The following SPOP variants were observed in gnomAD, a reference collection of about 807,000 sequenced individuals.
The protein encoded by SPOP is speckle-type POZ protein.
Under a neutral mutation model 45.6 loss-of-function variants are expected in SPOP, and 11 were observed. That is an observed-to-expected ratio of 0.24 (90% CI 0.15 to 0.40). The LOEUF is 0.40. Ranked by LOEUF, SPOP falls within the 10% of genes least tolerant of loss-of-function variation. The pLI, the probability that SPOP is intolerant of heterozygous loss-of-function variation, is 1.00. For synonymous variants in SPOP, 166 were observed against 166.3 expected, an observed-to-expected ratio of 1.00 and a Z score of 0.01; for missense variants, 152 against 465.6, an observed-to-expected ratio of 0.33 and a Z score of 6.20.
chr17:49,627,715 G>C (rs1215824402), intron 1 of SPOP, among the ~76,000 whole-genome samples: 4 of 152,082 alleles, frequency 2.6e-5, no homozygotes, highest in African/African-American at 7.2e-5. Flanking sequence ...CTCATCCTTG[G>C]TTCATTATTA....
intron 1 of SPOP, among the ~76,000 whole-genome samples, chr17:49,657,362 G>A (rs2072926887): frequency 6.6e-6 from 1 of 152,070 alleles, no homozygotes; most frequent in African/African-American, 2.4e-5. Flanking sequence ...CAATATGATT[G>A]ATGTATAAAG....
chr17:49,613,481 G>C (rs975193249), intron 5 of SPOP, among the ~76,000 whole-genome samples: 14 of 152,148 alleles, frequency 9.2e-5, no homozygotes, highest in Non-Finnish European at 1.8e-4. Context: ...TTGGCAAGAA[G>C]AGCTAAACTG....
intron 5 of SPOP, among the ~76,000 whole-genome samples, chr17:49,612,098 A>T (rs1160173255): frequency 1.3e-5 from 2 of 152,090 alleles, no homozygotes; most frequent in Non-Finnish European, 2.9e-5. Flanking sequence ...GCCCAGGATG[A>T]TGTTGAACTC....
intron 9 of SPOP, chr17:49,601,604 G>A (rs1306282101): frequency 2.2e-5 from 8 of 365,094 alleles, no homozygotes; most frequent in East Asian, 5.1e-5. Flanking sequence ...TATCATTTGG[G>A]GCATACAGCT....
rs2072285338 is a variant in SPOP, at chr17:49,624,341, A to ACG, written c.-66-1466_-66-1465insCG. Reference sequence around the variant, plus strand: ...CACACGCGCGCGCGCGCACACACACACACACACACACACACACACACACGG... The same window carrying ACG: ...CACACGCGCGCGCGCGCACACACACACGCACACACACACACACACACACACGG... On this transcript the variant is annotated intron_variant, in intron 1 of 9. Coordinates refer to ENST00000504102, the MANE Select transcript of SPOP (RefSeq NM_001007228.2). 6.9e-5 allele frequency among the ~76,000 whole-genome samples: 8 copies of ACG among 115,610 alleles called. No individual in the cohort carries two copies. In the Admixed American group the frequency reaches 7.5e-4, roughly 11 times the overall value. 75.8% of individuals were successfully genotyped at this position (115,610 alleles called of 152,430 possible).
At chr17:49,606,495 CTTTTTTTTTTT>C (rs71146920) in intron 8 of SPOP, among the ~76,000 whole-genome samples, 8 of 69,336 alleles carry the variant, frequency 1.2e-4, no homozygotes, top group East Asian at 3.9e-4. Context: ...TTTCTTTTTT[CTTTTTTTTTTT>C]TTTTTTTTTG....
Position 49,650,682 on chromosome 17 carries a change from A to G in SPOP, c.-67+27251T>C, listed in dbSNP as rs60639623. On this transcript the variant is annotated intron_variant, in intron 1 of 9. Coordinates refer to ENST00000504102, the MANE Select transcript of SPOP (RefSeq NM_001007228.2). ...TCTAAGTAATACCAGCAATTTTAAC[A>G]AATACCTTATACAGTGATAGTAAAA... Among the ~76,000 whole-genome samples, 1,403 of 152,350 alleles carry G rather than the reference A, an allele frequency of 9.2e-3. 21 individuals are homozygous for G. Among genetic ancestry groups the G allele is most frequent in the African/African-American group, 0.032 (1,325 of 41,574 alleles).
intron 1 of SPOP, among the ~76,000 whole-genome samples, chr17:49,677,046 A>G (rs540688457): frequency 3.5e-4 from 54 of 152,374 alleles, no homozygotes; most frequent in Admixed American, 1.4e-3. Flanking sequence ...AAAGGCAAAT[A>G]GGTCACACAA....
chr17:49,666,841 C>G (rs1405082990), intron 1 of SPOP, among the ~76,000 whole-genome samples: 1 of 151,890 alleles, frequency 6.6e-6, no homozygotes, highest in African/African-American at 2.4e-5. Context: ...AAAAACAAAA[C>G]AAATCTAAAA....
At chr17:49,650,235 G>A (rs370459436) in intron 1 of SPOP, among the ~76,000 whole-genome samples, 18 of 152,222 alleles carry the variant, frequency 1.2e-4, no homozygotes, top group South Asian at 8.3e-4. Flanking sequence ...ACTACTCATA[G>A]TGGGACCGGG....
intron 1 of SPOP, among the ~76,000 whole-genome samples, chr17:49,625,501 C>T (rs985392752): frequency 2.6e-5 from 4 of 151,884 alleles, no homozygotes; most frequent in African/African-American, 4.8e-5. Flanking sequence ...CCAGCTACTC[C>T]GGAGGCTGAG....
chr17:49,655,087 CT>C (rs1166104533), intron 1 of SPOP, among the ~76,000 whole-genome samples: 2 of 152,030 alleles, frequency 1.3e-5, no homozygotes, highest in African/African-American at 4.8e-5. Flanking sequence ...ACATACACCC[CT>C]GATAAGCTCT....
At position 49,612,514 on chromosome 17, in the gene SPOP, G is replaced by A. The variant is rs372301966; in HGVS notation, c.481-1057C>T. Among the ~76,000 whole-genome samples, 4 of 152,240 alleles carry A rather than the reference G, an allele frequency of 2.6e-5. No individual in the cohort carries two copies. In the East Asian group the frequency reaches 7.7e-4, roughly 29 times the overall value. On this transcript the variant is annotated intron_variant, in intron 5 of 9. Coordinates refer to ENST00000504102, the MANE Select transcript of SPOP (RefSeq NM_001007228.2). Reference sequence around the variant, plus strand: ...TAAAGGAATCCCAACTTCCCACTATGGCTTCAGCAGAAGCATGTTTTAACC... The same window carrying A: ...TAAAGGAATCCCAACTTCCCACTATAGCTTCAGCAGAAGCATGTTTTAACC...
intron 1 of SPOP, among the ~76,000 whole-genome samples, chr17:49,628,666 C>T (rs924456228): frequency 6.6e-6 from 1 of 152,102 alleles, no homozygotes; most frequent in Non-Finnish European, 1.5e-5. Context: ...ACAGTAAGTA[C>T]GTAACAAAAC....
chr17:49,613,091 A>G (rs1047529185), intron 5 of SPOP: 1 of 152,190 alleles, frequency 6.6e-6, no homozygotes, highest in African/African-American at 2.4e-5. Context: ...GCCAGATTAT[A>G]ACATTATTTT....
intron 1 of SPOP, among the ~76,000 whole-genome samples, chr17:49,649,182 G>A (rs1486793362): frequency 6.6e-6 from 1 of 152,150 alleles, no homozygotes; most frequent in African/African-American, 2.4e-5. Context: ...TTGCCTTAAA[G>A]AAATCAGCCA....
At chr17:49,636,793 T>C (rs2072550207) in intron 1 of SPOP, 1 of 152,306 alleles carries the variant, frequency 6.6e-6, no homozygotes, top group East Asian at 1.9e-4. Context: ...TAATTTGTCT[T>C]GTCTAACAGG....
At chr17:49,638,927 C>T (rs376746255) in intron 1 of SPOP, among the ~76,000 whole-genome samples, 3 of 152,160 alleles carry the variant, frequency 2.0e-5, no homozygotes, top group Admixed American at 6.6e-5. Context: ...ACTGGAGAAT[C>T]GCTTGAACCT....
At chr17:49,611,253 T>C (rs774593898) in intron 6 of SPOP, 27 bp downstream of exon 6, 6 of 1,598,100 alleles carry the variant, frequency 3.8e-6, no homozygotes, top group Middle Eastern at 1.7e-4. Flanking sequence ...ACCAAAACTA[T>C]AAAATTCCTC....
Sources: allele counts gnomAD v4.1 joint callset (sites outside exome capture counted in the v4.1 genomes callset), GRCh38; gene constraint gnomAD v4.1.1; transcripts MANE v1.5; gene names NCBI Gene and HGNC (gene_info 2026-07-23, HGNC 2026-07-21).